Variants in HIP1 observed in about 807,000 individuals in gnomAD.
The protein encoded by HIP1 is huntingtin-interacting protein 1.
HIP1 carries 65 observed loss-of-function variants against 147.6 expected under a neutral mutation model. That is an observed-to-expected ratio of 0.44 (90% CI 0.36 to 0.54). The LOEUF (loss-of-function observed/expected upper bound fraction) is 0.54. Among genes scored for constraint, HIP1 ranks in the 20% least tolerant of loss-of-function variants. The probability of loss-of-function intolerance (pLI) is 0.00; values close to 1 mark genes in which losing one functional copy is unlikely to be tolerated. For synonymous variants in HIP1, 479 were observed against 504.0 expected (o/e 0.95, Z 0.67); for missense variants, 1,061 against 1,299.6 (o/e 0.82, Z 2.82).
At chr7:75,683,181 C>T (rs1554517158) in intron 1 of HIP1, among the ~76,000 whole-genome samples, 1 of 151,986 alleles carries the variant, frequency 6.6e-6, no homozygotes, top group Admixed American at 6.6e-5. Context: ...GGGGGTTTCA[C>T]CATGTTAGTC....
intron 22 of HIP1, among the ~76,000 whole-genome samples, chr7:75,552,081 G>C (rs1259660466): frequency 6.6e-6 from 1 of 151,884 alleles, no homozygotes; most frequent in Non-Finnish European, 1.5e-5. Context: ...AGTAGAGATG[G>C]GGTTTTGCCA....
intron 1 of HIP1, among the ~76,000 whole-genome samples, chr7:75,738,152 G>C (rs1802085356): frequency 6.6e-6 from 1 of 152,158 alleles, no homozygotes; most frequent in African/African-American, 2.4e-5. Flanking sequence ...GGGGCACCAT[G>C]GTCTCCACTT....
chr7:75,687,644 T>C (rs1800308561), intron 1 of HIP1, among the ~76,000 whole-genome samples: 1 of 152,214 alleles, frequency 6.6e-6, no homozygotes, highest in Non-Finnish European at 1.5e-5. Flanking sequence ...TGAGCCGAGA[T>C]GGCGCCATTG....
intron 1 of HIP1, among the ~76,000 whole-genome samples, chr7:75,723,289 T>C (rs1554521925): frequency 6.6e-6 from 1 of 152,084 alleles, no homozygotes; most frequent in African/African-American, 2.4e-5. Context: ...GGAGAATCCC[T>C]TGAACCCAGG....
At chr7:75,645,600 A>G (rs1798776286) in intron 1 of HIP1, among the ~76,000 whole-genome samples, 1 of 152,200 alleles carries the variant, frequency 6.6e-6, no homozygotes, top group Admixed American at 6.5e-5. Context: ...TAGCTACCCA[A>G]AGGAAAATAG....
intron 1 of HIP1, among the ~76,000 whole-genome samples, chr7:75,602,581 C>A (rs1554503193): frequency 6.8e-6 from 1 of 146,720 alleles, no homozygotes; most frequent in Non-Finnish European, 1.5e-5. Context: ...CGGCTCACTG[C>A]AACCTCTGCC....
chr7:75,675,823 T>A (rs949845078), intron 1 of HIP1, among the ~76,000 whole-genome samples: 1 of 152,156 alleles, frequency 6.6e-6, no homozygotes, highest in African/African-American at 2.4e-5. Context: ...TACAAAAAAA[T>A]TTTAAAAATC....
At chr7:75,616,574 T>G (rs1797669762) in intron 1 of HIP1, among the ~76,000 whole-genome samples, 1 of 139,506 alleles carries the variant, frequency 7.2e-6, no homozygotes. Flanking sequence ...TGCCTGGCTT[T>G]TTAAGGGTGG....
chr7:75,557,927 T>C (rs1554493757), intron 15 of HIP1, among the ~76,000 whole-genome samples, 157 bp from the exon 16 acceptor site: 3 of 152,194 alleles, frequency 2.0e-5, no homozygotes, highest in East Asian at 1.9e-4. Flanking sequence ...CTTCAGATGC[T>C]TGATGCTCAA....
rs1554493821 is a variant in HIP1 at position 75,558,184 on chromosome 7, C to T, written c.1447G>A (p.Ala483Thr). The T allele has an allele frequency of 5.0e-6, 8 of 1,613,816 alleles. No homozygotes were observed. Among genetic ancestry groups the T allele is most frequent in the Non-Finnish European group, 6.8e-6 (8 of 1,179,822 alleles). Residue 483 changes from alanine (A) to threonine (T), a missense_variant, in exon 15 of 31, where the codon GCT (alanine) becomes ACT (threonine). Around this residue, in one of 3 missense-constraint regions of HIP1, gnomAD observed 810 missense variants for 946.8 expected, o/e 0.86. Coordinates refer to ENST00000336926, the MANE Select transcript of HIP1 (RefSeq NM_005338.7). ...GGTCTTACCTTCCGCAGCAGGTCAG[C>T]GTGGTTCTGAACCAGCTCGCTGTAC... ...EKYSELVQNH[A>T]DLLRKNAEVT...
At chr7:75,664,057 CACATATATGTGTATATACACACACATAT>C (rs1799439775) in intron 1 of HIP1, among the ~76,000 whole-genome samples, 1 of 64,854 alleles carries the variant, frequency 1.5e-5, no homozygotes, top group Admixed American at 1.9e-4. Context: ...TGTGTATATA[CACATATATGTGTATATACACACACATAT>C]ACACACATAT....
intron 1 of HIP1, among the ~76,000 whole-genome samples, chr7:75,643,536 C>A (rs913570547): frequency 2.0e-5 from 3 of 152,028 alleles, no homozygotes; most frequent in Non-Finnish European, 4.4e-5. Context: ...TATTACAATG[C>A]GTATTTTGCA....
intron 24 of HIP1, 78 bp downstream of exon 24, chr7:75,547,677 A>C: frequency 8.2e-7 from 1 of 1,214,884 alleles, no homozygotes; most frequent in Non-Finnish European, 1.2e-6. Flanking sequence ...TAATTCCCTA[A>C]TAAGTATGCA....
At chr7:75,545,375 C>T (rs1026210141) in intron 25 of HIP1, among the ~76,000 whole-genome samples, 187 bp from the exon 26 acceptor site, 4 of 152,140 alleles carry the variant, frequency 2.6e-5, no homozygotes, top group Non-Finnish European at 4.4e-5. Flanking sequence ...GGTGCAGTGG[C>T]GCTCGCCTGT....
chr7:75,665,998 T>G (rs1168854563), intron 1 of HIP1, among the ~76,000 whole-genome samples: 1 of 152,118 alleles, frequency 6.6e-6, no homozygotes, highest in Admixed American at 6.6e-5. Flanking sequence ...CCAAGATCTA[T>G]GTTACTCAGC....
intron 1 of HIP1, among the ~76,000 whole-genome samples, chr7:75,731,047 C>T (rs975548942): frequency 7.3e-5 from 11 of 151,682 alleles, no homozygotes; most frequent in African/African-American, 2.4e-4. Context: ...TAAATGTTGA[C>T]GATTACCATT....
At chr7:75,563,975 C>T (rs1014524096) in intron 9 of HIP1, among the ~76,000 whole-genome samples, 2 of 152,148 alleles carry the variant, frequency 1.3e-5, no homozygotes, top group African/African-American at 2.4e-5. Context: ...TCATTGCAGC[C>T]TTGAATTCCT....
At chr7:75,678,489 G>A (rs1328408684) in intron 1 of HIP1, among the ~76,000 whole-genome samples, 3 of 151,796 alleles carry the variant, frequency 2.0e-5, no homozygotes, top group South Asian at 2.1e-4. Context: ...GATTACAGGC[G>A]CCCGCCACCA....
At chr7:75,713,873 T>C (rs1339012027) in intron 1 of HIP1, among the ~76,000 whole-genome samples, 2 of 151,332 alleles carry the variant, frequency 1.3e-5, no homozygotes, top group Non-Finnish European at 2.9e-5. Context: ...GCATTTTTTG[T>C]ATTTTTAGTA....
Sources: gnomAD v4.1 joint callset for allele counts (sites outside exome capture counted in the v4.1 genomes callset) on GRCh38, gnomAD v4.1.1 for gene constraint, gnomAD v4.1.1 regional missense constraint, MANE v1.5 for transcripts, NCBI Gene and HGNC (gene_info 2026-07-23, HGNC 2026-07-21) for gene names.